Variants in TMEM65 observed in about 807,000 individuals in gnomAD.
The protein encoded by TMEM65 is transmembrane protein 65.
Under a neutral mutation model 25.4 loss-of-function variants are expected in TMEM65, and 22 were observed. The observed-to-expected ratio is 0.86, with a 90% confidence interval of 0.62 to 1.23. The LOEUF (loss-of-function observed/expected upper bound fraction) is 1.23. TMEM65 is among the 50% of genes most tolerant of loss of function. The pLI, the probability that TMEM65 is intolerant of heterozygous loss-of-function variation, is 0.00. For synonymous variants in TMEM65, 132 were observed against 126.2 expected (o/e 1.05, Z -0.31); for missense variants, 262 against 308.2 (o/e 0.85, Z 1.12).
intron 1 of TMEM65, among the ~76,000 whole-genome samples, chr8:124,335,582 G>A (rs769729195): frequency 5.3e-5 from 8 of 152,018 alleles, no homozygotes; most frequent in Non-Finnish European, 5.9e-5. Context: ...AAGGATGAAC[G>A]GGGCAGTAAA....
rs554820076 is a variant in TMEM65 at position 124,370,154 on chromosome 8, G to C, written c.304+1700C>G. Among the ~76,000 whole-genome samples the C allele has an allele frequency of 3.9e-5, 6 of 152,164 alleles. No homozygotes were observed. In the South Asian group the frequency reaches 1.2e-3, roughly 32 times the overall value. ...AATATTATCTTTATTAGGAAATGTA[G>C]CATTGCTACTGCAATACTGCTGGCA... On this transcript the variant is annotated intron_variant, in intron 1 of 6. Transcript: ENST00000297632.
chr8:124,326,672 A>C (rs1814369478), intron 3 of TMEM65, among the ~76,000 whole-genome samples: 1 of 152,030 alleles, frequency 6.6e-6, no homozygotes, highest in Admixed American at 6.6e-5. Context: ...GCAGTTTTTG[A>C]AGACTTGCAT....
chr8:124,354,173 C>G (rs954378508), intron 1 of TMEM65, among the ~76,000 whole-genome samples: 1 of 152,098 alleles, frequency 6.6e-6, no homozygotes, highest in African/African-American at 2.4e-5. Context: ...TCTGTAATCC[C>G]CAAAAGTGTC....
chr8:124,327,432 T>C lies in TMEM65; in HGVS notation c.350-11A>G. 2 of 1,561,380 alleles carry C rather than the reference T, an allele frequency of 1.3e-6. No individual in the cohort carries two copies. Among genetic ancestry groups the C allele is most frequent in the South Asian group, 1.2e-5 (1 of 83,330 alleles). On this transcript the variant is annotated splice_polypyrimidine_tract_variant and intron_variant, in intron 2 of 6. Transcript: ENST00000297632. Reference sequence around the variant, plus strand: ...CATTGTGGATGAATACTGAAAAACATCAAAAACAGAAAAATATATTTTAAG... The same window carrying C: ...CATTGTGGATGAATACTGAAAAACACCAAAAACAGAAAAATATATTTTAAG...
At chr8:124,326,396 G>C (rs1253148930) in intron 3 of TMEM65, among the ~76,000 whole-genome samples, 1 of 152,004 alleles carries the variant, frequency 6.6e-6, no homozygotes, top group Non-Finnish European at 1.5e-5. Flanking sequence ...GACAAAATAA[G>C]AGGAGTGAAT....
chr8:124,371,860 CA>C lies in TMEM65; in HGVS notation c.297del (p.Ile99MetfsTer16). On this transcript the variant is annotated frameshift_variant, in exon 1 of 7. Transcript: ENST00000297632. LOFTEE classifies it high-confidence loss of function. ...KELHRFESIA[I>X]AQEKLEAPPP... The stretch of plus-strand genomic sequence containing the variant: ...CCCCACCTGCCCCCCTTACCTTGGG[CA>C]ATGGCAATAGACTCGAAGCGGTGCA... The C allele has an allele frequency of 6.5e-7, 1 of 1,534,840 alleles. No homozygotes were observed. The highest frequency in any genetic ancestry group is 8.7e-7 in the Non-Finnish European group (1 of 1,146,566).
intron 1 of TMEM65, among the ~76,000 whole-genome samples, chr8:124,354,673 C>G (rs955919050): frequency 6.6e-6 from 1 of 152,172 alleles, no homozygotes; most frequent in African/African-American, 2.4e-5. Context: ...AAACTCCCTA[C>G]GGTGTTAGCT....
In TMEM65 at chr8:124,310,935, GGTTAT is replaced by G. The variant is rs2131189049; in HGVS notation, c.*3020_*3024del. On this transcript the variant is annotated 3_prime_UTR_variant, in exon 7 of 7. Transcript: ENST00000297632. The stretch of plus-strand genomic sequence containing the variant: ...GATAATGCTTAGCCACTAAGAAAAA[GGTTAT>G]ATTATATTTAATATACTGTCTTAAG... The G allele has an allele frequency of 6.6e-6, 1 of 151,948 alleles. No individual in the cohort carries two copies. Among genetic ancestry groups the G allele is most frequent in the Non-Finnish European group, 1.5e-5 (1 of 67,946 alleles). The allele number at this position is 151,948 out of a possible 1,614,324, so 9.4% of individuals were successfully genotyped here. A position where few individuals can be genotyped will look rare whatever the true frequency, so the allele number is the denominator to read the frequency against.
intron 1 of TMEM65, among the ~76,000 whole-genome samples, chr8:124,360,430 A>C (rs946026749): frequency 3.0e-5 from 2 of 67,334 alleles, no homozygotes; most frequent in African/African-American, 1.5e-4. Flanking sequence ...ACTCTGTCAC[A>C]AAAAAAAAAA....
intron 1 of TMEM65, among the ~76,000 whole-genome samples, chr8:124,348,515 TTAGATA>T (rs772422038): frequency 1.3e-4 from 20 of 152,288 alleles, no homozygotes; most frequent in Admixed American, 4.6e-4. Context: ...CTTTTACTTA[TTAGATA>T]TAGAGATGGT....
At chr8:124,332,900 G>A (rs1212394849) in intron 1 of TMEM65, among the ~76,000 whole-genome samples, 1 of 152,038 alleles carries the variant, frequency 6.6e-6, no homozygotes, top group Non-Finnish European at 1.5e-5. Context: ...CCACCTCCCA[G>A]ATTTAAGCGA....
intron 1 of TMEM65, among the ~76,000 whole-genome samples, chr8:124,343,668 C>A (rs1022045735): frequency 6.6e-6 from 1 of 151,952 alleles, no homozygotes; most frequent in Non-Finnish European, 1.5e-5. Flanking sequence ...TTTATTTTAC[C>A]CAGAAGCAGA....
At chr8:124,367,836 A>G (rs1814958909) in intron 1 of TMEM65, among the ~76,000 whole-genome samples, 1 of 151,500 alleles carries the variant, frequency 6.6e-6, no homozygotes, top group East Asian at 2.0e-4. Context: ...GCACACAATT[A>G]CCACTCACAT....
intron 1 of TMEM65, among the ~76,000 whole-genome samples, chr8:124,350,119 A>AGTGT (rs71866914): frequency 9.5e-5 from 14 of 148,126 alleles, no homozygotes; most frequent in African/African-American, 1.5e-4. Flanking sequence ...CTAATACATC[A>AGTGT]GTGTGTGTGT....
intron 1 of TMEM65, 50 bp downstream of exon 1, chr8:124,371,804 A>C: frequency 6.8e-7 from 1 of 1,472,796 alleles, no homozygotes; most frequent in East Asian, 2.9e-5. Context: ...GCTGGCGAGA[A>C]GAGGAGGGCG....
chr8:124,360,329 C>G (rs1376768967), intron 1 of TMEM65, among the ~76,000 whole-genome samples: 1 of 148,908 alleles, frequency 6.7e-6, no homozygotes, highest in Non-Finnish European at 1.5e-5. Flanking sequence ...ACTCAGGATG[C>G]TGAGGCAGGA....
In TMEM65 at chr8:124,327,425, A is replaced by G. The variant is rs1814378409; in HGVS notation, c.350-4T>C. On this transcript the variant is annotated splice_polypyrimidine_tract_variant and splice_region_variant and intron_variant, in intron 2 of 6. Transcript: ENST00000297632. ...GGTATCGCATTGTGGATGAATACTG[A>G]AAAACATCAAAAACAGAAAAATATA... is the stretch of plus-strand genomic sequence containing the variant. The G allele has an allele frequency of 1.3e-6, 2 of 1,559,856 alleles. No homozygotes were observed. The highest frequency in any genetic ancestry group is 1.7e-6 in the Non-Finnish European group (2 of 1,149,922).
At chr8:124,366,026 GC>G (rs1369179548) in intron 1 of TMEM65, among the ~76,000 whole-genome samples, 1 of 152,164 alleles carries the variant, frequency 6.6e-6, no homozygotes, top group Non-Finnish European at 1.5e-5. Context: ...TTCCAGACCA[GC>G]CTGGCCAACC....
intron 1 of TMEM65, among the ~76,000 whole-genome samples, chr8:124,335,801 A>T (rs1814500150): frequency 6.6e-6 from 1 of 152,074 alleles, no homozygotes; most frequent in Non-Finnish European, 1.5e-5. Context: ...AAGCAAAAAG[A>T]ATGCAGGAAA....
Sources: gnomAD v4.1 joint callset for allele counts (sites outside exome capture counted in the v4.1 genomes callset) on GRCh38, gnomAD v4.1.1 for gene constraint, MANE v1.5 for transcripts, NCBI Gene and HGNC (gene_info 2026-07-23, HGNC 2026-07-21) for gene names.